NEBL: variants seen among roughly 807,000 people sequenced by gnomAD.
NEBL encodes the protein LIM and SH3 protein 2.
In NEBL, 122 loss-of-function variants were observed where a neutral mutation model predicts 140.2. The ratio of observed to expected loss-of-function variants is 0.87; its 90% CI spans 0.75 to 1.01. The LOEUF (loss-of-function observed/expected upper bound fraction) is 1.01, where lower values mean the gene tolerates loss of function less well. Ranked by LOEUF, NEBL falls within the 50% of genes least tolerant of loss-of-function variation. NEBL has a pLI of 0.00. For missense variants in NEBL, 1,365 were observed against 1,231.3 expected (o/e 1.11, Z -1.62); for synonymous variants, 436 against 398.9 (o/e 1.09, Z -1.11).
chr10:21,042,985 C>T (rs962464109), intron 2 of NEBL, among the ~76,000 whole-genome samples: 1 of 152,122 alleles, frequency 6.6e-6, no homozygotes, highest in Non-Finnish European at 1.5e-5. Context: ...TAACATTGCC[C>T]AAGAAATCAA....
At chr10:20,968,620 A>C (rs577049068) in intron 3 of NEBL, among the ~76,000 whole-genome samples, 8 of 152,236 alleles carry the variant, frequency 5.3e-5, no homozygotes, top group South Asian at 2.1e-4. Flanking sequence ...CTATGCAAGG[A>C]CGGAAGGTAT....
upstream of NEBL, among the ~76,000 whole-genome samples, chr10:20,900,162 T>C (rs1847797117): frequency 6.6e-6 from 1 of 152,228 alleles, no homozygotes; most frequent in Admixed American, 6.5e-5. Flanking sequence ...TAGCTGCTCA[T>C]AGCTTTTACT....
At position 20,844,990 on chromosome 10, in the gene NEBL, C is replaced by T. The variant is rs73607526; in HGVS notation, c.1227+268G>A. Among the ~76,000 whole-genome samples, 1,225 of 152,114 alleles carry T rather than the reference C, an allele frequency of 8.1e-3. 17 individuals are homozygous for T. Among genetic ancestry groups the T allele is most frequent in the African/African-American group, 0.028 (1,159 of 41,516 alleles). ...TAAAACTATTTATAGAGCTTCTGAG[C>T]TACAACTAAAACAAAAAACTAGGCT... On this transcript the variant is annotated intron_variant, in intron 12 of 27. Transcript: ENST00000377122.
intron 3 of NEBL, among the ~76,000 whole-genome samples, chr10:21,202,913 T>A (rs1432980496): frequency 6.6e-6 from 1 of 152,206 alleles, no homozygotes; most frequent in Non-Finnish European, 1.5e-5. Context: ...CCTGGAGCAG[T>A]TTATCCAGCT....
chr10:20,962,636 A>G (rs1589081370), intron 3 of NEBL, among the ~76,000 whole-genome samples: 1 of 152,250 alleles, frequency 6.6e-6, no homozygotes, highest in African/African-American at 2.4e-5. Flanking sequence ...CACACCAGTT[A>G]AAGATTTGGC....
chr10:21,061,196 T>A (rs1252917798), intron 2 of NEBL, among the ~76,000 whole-genome samples: 1 of 150,330 alleles, frequency 6.7e-6, no homozygotes, highest in Admixed American at 6.7e-5. Flanking sequence ...GATGTATTAT[T>A]ATAGATCATA....
intron 2 of NEBL, among the ~76,000 whole-genome samples, chr10:21,161,177 T>TTTTTA (rs1840545787): frequency 6.6e-6 from 1 of 152,172 alleles, no homozygotes. Flanking sequence ...CTATTGCTTC[T>TTTTTA]TTTTTATTTT....
chr10:21,219,936 C>T (rs1343160533), intron 3 of NEBL, among the ~76,000 whole-genome samples: 1 of 146,550 alleles, frequency 6.8e-6, no homozygotes, highest in Admixed American at 7.0e-5. Flanking sequence ...TTTGTTTAGA[C>T]AGAGTATTGC....
chr10:20,827,727 G>T (rs1404585202), intron 17 of NEBL, among the ~76,000 whole-genome samples: 1 of 152,118 alleles, frequency 6.6e-6, no homozygotes, highest in African/African-American at 2.4e-5. Context: ...ATACACCACA[G>T]AATACCATGC....
At chr10:21,209,594 G>A (rs1303642593) in intron 3 of NEBL, among the ~76,000 whole-genome samples, 1 of 151,698 alleles carries the variant, frequency 6.6e-6, no homozygotes, top group African/African-American at 2.4e-5. Context: ...GAAGTCTGCA[G>A]GATGTGTCTT....
At chr10:20,926,364 A>C (rs988044419) in intron 4 of NEBL, among the ~76,000 whole-genome samples, 8 of 151,732 alleles carry the variant, frequency 5.3e-5, no homozygotes, top group African/African-American at 1.7e-4. Flanking sequence ...TTTTTCTAAG[A>C]GGGCTTAAAC....
At chr10:20,850,525 T>C (rs755539262) in intron 10 of NEBL, 23 bp from the exon 11 acceptor site, 1 of 1,479,416 alleles carries the variant, frequency 6.8e-7, no homozygotes, top group Non-Finnish European at 9.4e-7. Flanking sequence ...AAGAAAAGCA[T>C]ATACAAATCG....
chr10:21,104,910 T>C (rs137939380), intron 2 of NEBL, among the ~76,000 whole-genome samples: 44 of 152,338 alleles, frequency 2.9e-4, no homozygotes, highest in African/African-American at 1.0e-3. Flanking sequence ...CTATGCCCAG[T>C]TTGCTCAGAG....
intron 3 of NEBL, among the ~76,000 whole-genome samples, chr10:20,969,192 T>C (rs1406118353): frequency 6.6e-6 from 1 of 152,228 alleles, no homozygotes; most frequent in Non-Finnish European, 1.5e-5. Context: ...AAGTTAATTT[T>C]AGCAAATGTT....
intron 2 of NEBL, among the ~76,000 whole-genome samples, chr10:21,099,201 A>G (rs1483572509): frequency 6.6e-6 from 1 of 152,218 alleles, no homozygotes; most frequent in Non-Finnish European, 1.5e-5. Context: ...TCATTTTTTA[A>G]AATGACATGA....
intron 2 of NEBL, among the ~76,000 whole-genome samples, chr10:21,065,772 G>C (rs904848519): frequency 6.6e-6 from 1 of 152,190 alleles, no homozygotes; most frequent in Admixed American, 6.5e-5. Flanking sequence ...GATGGGGCTA[G>C]TAATGGTGCA....
At chr10:20,815,741 T>C (rs372731618) in intron 21 of NEBL, 24 bp from the exon 22 acceptor site, 16 of 1,422,152 alleles carry the variant, frequency 1.1e-5, no homozygotes, top group African/African-American at 1.4e-5. Context: ...GAACAAAAAA[T>C]AGAATACTAT....
intron 1 of NEBL, among the ~76,000 whole-genome samples, chr10:21,255,733 C>A (rs901046662): frequency 6.6e-6 from 1 of 152,050 alleles, no homozygotes; most frequent in Non-Finnish European, 1.5e-5. Context: ...CGCGGTGGCT[C>A]ACACCGGTAA....
chr10:21,209,407 C>T (rs1307466719), intron 3 of NEBL, among the ~76,000 whole-genome samples: 2 of 152,066 alleles, frequency 1.3e-5, no homozygotes, highest in African/African-American at 4.8e-5. Flanking sequence ...TTTGTTTTTG[C>T]TAAATCTGGA....
Sources: allele counts gnomAD v4.1 joint callset (sites outside exome capture counted in the v4.1 genomes callset), GRCh38; gene constraint gnomAD v4.1.1; transcripts MANE v1.5; gene names NCBI Gene and HGNC (gene_info 2026-07-23, HGNC 2026-07-21).